DOCK4: variants seen among roughly 807,000 people sequenced by gnomAD.
DOCK4 encodes the protein dedicator of cytokinesis protein 4.
A neutral mutation model predicts 268.1 loss-of-function variants in DOCK4; 97 were observed. The ratio of observed to expected loss-of-function variants is 0.36; its 90% CI spans 0.31 to 0.43. DOCK4 has a LOEUF of 0.43. Ranked by LOEUF, DOCK4 falls within the 20% of genes least tolerant of loss-of-function variation. The probability of loss-of-function intolerance (pLI) is 1.00; values close to 1 mark genes in which losing one functional copy is unlikely to be tolerated. For synonymous variants in DOCK4, 954 were observed against 887.2 expected (o/e 1.08, Z -1.34); for missense variants, 2,145 against 2,455.7 (o/e 0.87, Z 2.67).
chr7:111,785,786 T>C (rs992408251), intron 32 of DOCK4, among the ~76,000 whole-genome samples: 5 of 152,216 alleles, frequency 3.3e-5, no homozygotes, highest in African/African-American at 9.6e-5. Flanking sequence ...CACATTGAGC[T>C]AGGGAACCCT....
chr7:112,037,467 T>C (rs925366464), intron 1 of DOCK4, among the ~76,000 whole-genome samples: 1 of 152,148 alleles, frequency 6.6e-6, no homozygotes, highest in Non-Finnish European at 1.5e-5. Flanking sequence ...CTCCCATTCA[T>C]CTCATAGGCA....
chr7:111,969,840 C>T (rs914800071), intron 8 of DOCK4, among the ~76,000 whole-genome samples: 4 of 152,158 alleles, frequency 2.6e-5, no homozygotes, highest in Admixed American at 2.0e-4. Context: ...ATTTTAAATG[C>T]AAGCTAAAGG....
intron 1 of DOCK4, among the ~76,000 whole-genome samples, chr7:112,135,401 C>T (rs1260526909): frequency 2.7e-5 from 4 of 146,256 alleles, no homozygotes; most frequent in Admixed American, 6.8e-5. Flanking sequence ...ACCATACACA[C>T]TGTAGGTACT....
chr7:111,876,203 T>C (rs1586241241), intron 17 of DOCK4, among the ~76,000 whole-genome samples: 2 of 152,192 alleles, frequency 1.3e-5, no homozygotes, highest in Admixed American at 1.3e-4. Context: ...GTGTCCTATA[T>C]AAATACAGTA....
At chr7:111,935,736 T>C in intron 11 of DOCK4, 108 bp from the exon 12 acceptor site, 1 of 912,008 alleles carries the variant, frequency 1.1e-6, no homozygotes. Flanking sequence ...TGTACCTCCT[T>C]GAGGTCCCCA....
chr7:111,901,719 T>G lies in DOCK4; in HGVS notation c.1275A>C (p.Glu425Asp). Residue 425 changes from glutamate to aspartate, a missense_variant, in exon 14 of 53, where the codon GAA (glutamate) becomes GAC (aspartate). Glu to Asp is a conservative substitution (Grantham distance 45). Coordinates refer to ENST00000428084, the MANE Select transcript of DOCK4 (RefSeq NM_001363540.2). ...KGGKSVARNV[E>D]VTMFIVDSSG... ...TACTGTCTACAATGAACATCGTAAC[T>G]TCCACATTTCTGGCCACGCTCTTCC... is the stretch of plus-strand genomic sequence containing the variant. 2.5e-6 allele frequency: 4 copies of G among 1,613,724 alleles called. No individual in the cohort carries two copies. The highest frequency in any genetic ancestry group is 3.4e-6 in the Non-Finnish European group (4 of 1,179,750).
chr7:112,051,528 T>A (rs1399795993), intron 1 of DOCK4, among the ~76,000 whole-genome samples: 1 of 152,042 alleles, frequency 6.6e-6, no homozygotes, highest in African/African-American at 2.4e-5. Flanking sequence ...GCTCAACAAC[T>A]TTTGATGCTG....
At chr7:111,989,408 C>T (rs547678769) in intron 5 of DOCK4, among the ~76,000 whole-genome samples, 14 of 152,302 alleles carry the variant, frequency 9.2e-5, no homozygotes, top group African/African-American at 2.2e-4. Context: ...TTACTTCTCA[C>T]GTGCTCCTTT....
intron 16 of DOCK4, among the ~76,000 whole-genome samples, chr7:111,886,597 G>A (rs991039236): frequency 6.6e-6 from 1 of 152,074 alleles, no homozygotes; most frequent in African/African-American, 2.4e-5. Flanking sequence ...GGGTCATCAA[G>A]CAGGCAAGGG....
At chr7:111,844,668 G>T in intron 25 of DOCK4, 95 bp downstream of exon 25, 1 of 1,457,796 alleles carries the variant, frequency 6.9e-7, no homozygotes, top group East Asian at 2.4e-5. Flanking sequence ...ACTCTCCTAA[G>T]GCCACATTTT....
Position 112,091,562 on chromosome 7 carries a change from A to T in DOCK4, c.38-87431T>A, listed in dbSNP as rs369178745. On this transcript the variant is annotated intron_variant, in intron 1 of 52. Coordinates refer to ENST00000428084, the MANE Select transcript of DOCK4 (RefSeq NM_001363540.2). Reference sequence around the variant, plus strand: ...TGCTGGGACATTTCCAATAGAGACCATATCACATTGATGAATGGTTATAAT... The same window carrying T: ...TGCTGGGACATTTCCAATAGAGACCTTATCACATTGATGAATGGTTATAAT... 2.6e-5 allele frequency among the ~76,000 whole-genome samples: 4 copies of T among 152,194 alleles called. No homozygotes were observed. In the East Asian group the frequency reaches 7.7e-4, roughly 29 times the overall value.
rs549154140 is a variant in DOCK4 at position 112,194,993 on chromosome 7, T to A, written c.37+11109A>T. Among the ~76,000 whole-genome samples the A allele has an allele frequency of 1.3e-3, 194 of 152,224 alleles. 4 individuals are homozygous for A. The highest frequency in any genetic ancestry group is 4.5e-3 in the African/African-American group (186 of 41,544). ...ATATAGTTCTCCTAAAAAAACAAACTGGAGGCTGGGCGCAGTGGCTCACGC... is the reference window on the plus strand; with the variant it reads ...ATATAGTTCTCCTAAAAAAACAAACAGGAGGCTGGGCGCAGTGGCTCACGC... On this transcript the variant is annotated intron_variant, in intron 1 of 52. Transcript: ENST00000428084.
chr7:112,015,113 GATAAA>G (rs935513759), intron 1 of DOCK4, among the ~76,000 whole-genome samples: 6 of 152,116 alleles, frequency 3.9e-5, no homozygotes, highest in African/African-American at 1.4e-4. Flanking sequence ...GGACATTGCT[GATAAA>G]ATAAGATGTG....
chr7:111,819,655 C>G (rs1355058868), intron 27 of DOCK4: 1 of 152,160 alleles, frequency 6.6e-6, no homozygotes, highest in Non-Finnish European at 1.5e-5. Context: ...AAGTTAAAGG[C>G]ATTTAATTTA....
rs1397400448 is a variant in DOCK4, at chr7:111,998,573, T to C, written c.163-70A>G. 4 of 1,211,830 alleles carry C rather than the reference T, an allele frequency of 3.3e-6. No homozygotes were observed. The African/African-American group carries it at 4.6e-5, about 14-fold the overall frequency. 75.1% of individuals were successfully genotyped at this position (1,211,830 alleles called of 1,614,324 possible). On this transcript the variant is annotated intron_variant, in intron 3 of 52. Transcript: ENST00000428084. ...GGGTTGGTTTCACAAGTCATTTGTA[T>C]AAAACACAGCCATACAACCATGACA...
chr7:111,758,543 G>C, intron 41 of DOCK4, 81 bp downstream of exon 41: 1 of 1,473,836 alleles, frequency 6.8e-7, no homozygotes, highest in Non-Finnish European at 9.3e-7. Flanking sequence ...ACTATTCTGA[G>C]TAAATATTTA....
intron 8 of DOCK4, among the ~76,000 whole-genome samples, chr7:111,957,494 A>G (rs1383225551): frequency 6.6e-6 from 1 of 152,168 alleles, no homozygotes; most frequent in Non-Finnish European, 1.5e-5. Context: ...ATAACTAAAC[A>G]ACCTGGAAAA....
chr7:111,926,069 T>C (rs112768055), intron 12 of DOCK4, among the ~76,000 whole-genome samples: 10,952 of 136,788 alleles, frequency 0.08, 487 homozygotes, highest in Middle Eastern at 0.13. Context: ...CACTCCAGCC[T>C]GGCGACAGAG....
intron 47 of DOCK4, chr7:111,739,745 T>C (rs187542251): frequency 2.0e-4 from 90 of 460,286 alleles, no homozygotes; most frequent in African/African-American, 1.3e-3. Flanking sequence ...CATTCCTTCA[T>C]TGAGGTATAA....
Sources: gnomAD v4.1 joint callset for allele counts (sites outside exome capture counted in the v4.1 genomes callset) on GRCh38, gnomAD v4.1.1 for gene constraint, MANE v1.5 for transcripts, NCBI Gene and HGNC (gene_info 2026-07-23, HGNC 2026-07-21) for gene names.